KLF12: variants seen among roughly 807,000 people sequenced by gnomAD.
The protein encoded by KLF12 is Krueppel-like factor 12.
In KLF12, 9 loss-of-function variants were observed where a neutral mutation model predicts 37.8. That is an observed-to-expected ratio of 0.24 (90% confidence interval 0.14 to 0.42). The LOEUF (loss-of-function observed/expected upper bound fraction) is 0.42. KLF12 is among the 10% of genes least tolerant of loss of function. KLF12 has a pLI of 1.00. For missense variants in KLF12, 411 were observed against 516.0 expected (o/e 0.80, Z 1.97); for synonymous variants, 208 against 202.1 (o/e 1.03, Z -0.25).
At chr13:73,996,367 A>G (rs908090444) in intron 1 of KLF12, among the ~76,000 whole-genome samples, 2 of 152,190 alleles carry the variant, frequency 1.3e-5, no homozygotes, top group Non-Finnish European at 2.9e-5. Flanking sequence ...CACCTAACAC[A>G]CAGTGTTCTC....
At chr13:73,956,448 T>A (rs74885062) in intron 2 of KLF12, among the ~76,000 whole-genome samples, 11,998 of 152,270 alleles carry the variant, frequency 0.079, 653 homozygotes, top group Non-Finnish European at 0.11. Flanking sequence ...GTCCTGTACA[T>A]TGTAGGATGC....
At chr13:73,736,477 A>T (rs1303898783) in intron 6 of KLF12, among the ~76,000 whole-genome samples, 1 of 152,158 alleles carries the variant, frequency 6.6e-6, no homozygotes, top group Non-Finnish European at 1.5e-5. Flanking sequence ...TCCCTATACT[A>T]GAAAAGTCAC....
At chr13:74,234,636 T>A in the KLF12 span, among the ~76,000 whole-genome samples, 469 of 152,296 alleles carry the variant, frequency 3.1e-3, 3 homozygotes, top group African/African-American at 0.011. Flanking sequence ...AAAGTCATTA[T>A]GCAAGGAAGG....
rs376931497 is a variant in KLF12, at chr13:73,690,662, A to G, written c.*4828T>C. On this transcript the variant is annotated 3_prime_UTR_variant, in exon 8 of 8. Transcript: ENST00000377669. ...TCTGACAAAGTTGGACAGAGTTCCCATGGCAATTTCACTCATTGTGTGTAA... is the reference window on the plus strand; with the variant it reads ...TCTGACAAAGTTGGACAGAGTTCCCGTGGCAATTTCACTCATTGTGTGTAA... The G allele has an allele frequency of 1.5e-4, 23 of 152,330 alleles. 4 individuals are homozygous for G. The highest frequency in any genetic ancestry group is 5.2e-4 in the Admixed American group (8 of 15,290). 9.4% of individuals were successfully genotyped at this position (152,330 alleles called of 1,614,324 possible).
At chr13:74,271,887 AGAAG>A in the KLF12 span, among the ~76,000 whole-genome samples, 1 of 152,202 alleles carries the variant, frequency 6.6e-6, no homozygotes, top group Non-Finnish European at 1.5e-5. Flanking sequence ...CTAGCTAGGA[AGAAG>A]GGTGAAGGGC....
chr13:73,875,888 T>G (rs1886682142), intron 3 of KLF12, among the ~76,000 whole-genome samples: 1 of 152,204 alleles, frequency 6.6e-6, no homozygotes, highest in Non-Finnish European at 1.5e-5. Context: ...TGGCTGTATT[T>G]CCAGGGCAAA....
intron 5 of KLF12, among the ~76,000 whole-genome samples, chr13:73,806,789 T>C (rs894645965): frequency 5.3e-5 from 8 of 152,108 alleles, no homozygotes; most frequent in African/African-American, 1.4e-4. Flanking sequence ...TGAGTTTTCA[T>C]AGAATCTGCC....
In KLF12 at chr13:73,694,986, CTTCGT is replaced by C. The variant is rs1296134616; in HGVS notation, c.*499_*503del. 4 of 152,940 alleles carry C rather than the reference CTTCGT, an allele frequency of 2.6e-5. No individual in the cohort carries two copies. Among genetic ancestry groups the C allele is most frequent in the African/African-American group, 9.6e-5 (4 of 41,552 alleles). The allele number at this position is 152,940 out of a possible 1,614,324, so 9.5% of individuals were successfully genotyped here. A position where few individuals can be genotyped will look rare whatever the true frequency, so the allele number is the denominator to read the frequency against. On this transcript the variant is annotated 3_prime_UTR_variant, in exon 8 of 8. Coordinates refer to ENST00000377669, the MANE Select transcript of KLF12 (RefSeq NM_007249.5). ...GGTAATGGGACCTCTCCATCTGCTT[CTTCGT>C]TTCTACTTTCATGCTGCTTGCTGGT...
the KLF12 span, among the ~76,000 whole-genome samples, chr13:74,185,463 T>G: frequency 6.6e-6 from 1 of 152,186 alleles, no homozygotes; most frequent in African/African-American, 2.4e-5. Flanking sequence ...GAGTGCAGTT[T>G]CAACTTCATT....
At chr13:74,019,319 A>G (rs781222413) in intron 1 of KLF12, among the ~76,000 whole-genome samples, 2 of 152,216 alleles carry the variant, frequency 1.3e-5, no homozygotes, top group Non-Finnish European at 2.9e-5. Flanking sequence ...CTCTACTCCC[A>G]TACTATCAAC....
At chr13:73,715,850 T>C (rs1023781900) in intron 6 of KLF12, among the ~76,000 whole-genome samples, 1 of 152,198 alleles carries the variant, frequency 6.6e-6, no homozygotes, top group African/African-American at 2.4e-5. Context: ...TAAATTACCA[T>C]CTCACAGTTT....
chr13:74,241,970 C>T, the KLF12 span, among the ~76,000 whole-genome samples: 44 of 152,164 alleles, frequency 2.9e-4, no homozygotes, highest in African/African-American at 8.7e-4. Context: ...GCTCCTCCCC[C>T]CAGGTACCGA....
intron 6 of KLF12, among the ~76,000 whole-genome samples, chr13:73,756,811 G>A (rs984704428): frequency 6.6e-6 from 1 of 152,104 alleles, no homozygotes. Context: ...TTATTGAGGA[G>A]GTGACACAGA....
intron 1 of KLF12, among the ~76,000 whole-genome samples, chr13:74,041,667 A>G (rs555197925): frequency 4.8e-4 from 73 of 150,784 alleles, no homozygotes; most frequent in Non-Finnish European, 6.9e-4. Context: ...AGATATAGCT[A>G]TGAAATTCCC....
At chr13:73,810,982 C>CTTTCTTTCTTTTTTTTTTTTTTTTT (rs1555308731) in intron 5 of KLF12, among the ~76,000 whole-genome samples, 2 of 44,808 alleles carry the variant, frequency 4.5e-5, no homozygotes, top group African/African-American at 1.7e-4. Context: ...ATTTTTCTTT[C>CTTTCTTTCTTTTTTTTTTTTTTTTT]TTTTTTTTTT....
chr13:74,238,745 T>A, the KLF12 span, among the ~76,000 whole-genome samples: 1 of 151,812 alleles, frequency 6.6e-6, no homozygotes, highest in Non-Finnish European at 1.5e-5. Context: ...TTTGTAGTAT[T>A]CTCTGATGGT....
intron 1 of KLF12, among the ~76,000 whole-genome samples, chr13:74,083,450 T>C (rs1369522654): frequency 6.7e-6 from 1 of 149,718 alleles, no homozygotes; most frequent in African/African-American, 2.5e-5. Context: ...AAGGCTGCAC[T>C]GAACCGTGAT....
chr13:73,752,754 C>T (rs1878866634), intron 6 of KLF12, among the ~76,000 whole-genome samples: 1 of 65,944 alleles, frequency 1.5e-5, no homozygotes, highest in Non-Finnish European at 2.9e-5. Context: ...GACACAGAGT[C>T]TTGCTCTGTC....
the KLF12 span, among the ~76,000 whole-genome samples, chr13:74,216,683 A>C: frequency 1.3e-5 from 2 of 152,244 alleles, no homozygotes; most frequent in South Asian, 4.1e-4. Flanking sequence ...TGCTAAAAGC[A>C]AAAAGGAGTG....
Sources: allele counts gnomAD v4.1 joint callset (sites outside exome capture counted in the v4.1 genomes callset), GRCh38; gene constraint gnomAD v4.1.1; transcripts MANE v1.5; gene names NCBI Gene and HGNC (gene_info 2026-07-23, HGNC 2026-07-21).